The following GLTP variants were observed in gnomAD, a reference collection of about 807,000 sequenced individuals.
GLTP encodes the protein glycolipid transfer protein.
A neutral mutation model predicts 24.0 loss-of-function variants in GLTP; 22 were observed. The ratio of observed to expected loss-of-function variants is 0.92; its 90% CI spans 0.65 to 1.31. The LOEUF (loss-of-function observed/expected upper bound fraction) is 1.31. Ranked by LOEUF, GLTP falls within the 50% of genes most tolerant of loss-of-function variation. The probability of loss-of-function intolerance (pLI) is 0.00; values close to 1 mark genes in which losing one functional copy is unlikely to be tolerated. For synonymous variants in GLTP, 92 were observed against 115.9 expected (o/e 0.79, Z 1.33); for missense variants, 224 against 276.6 (o/e 0.81, Z 1.35).
chr12:109,856,269 C>T (rs1892794312), intron 3 of GLTP, among the ~76,000 whole-genome samples: 2 of 152,236 alleles, frequency 1.3e-5, no homozygotes, highest in South Asian at 4.1e-4. Context: ...TGCTCCTCTG[C>T]CTGAGACCTC....
intron 2 of GLTP, 38 bp downstream of exon 2, chr12:109,858,645 G>GC: frequency 1.3e-6 from 2 of 1,528,982 alleles, no homozygotes; most frequent in South Asian, 2.2e-5. Flanking sequence ...GATTCCTAAC[G>GC]CAAGTCTTGG....
rs567422234 is a variant in GLTP at position 109,874,013 on chromosome 12, T to C, written c.103+6259A>G. Among the ~76,000 whole-genome samples the C allele has an allele frequency of 2.0e-5, 3 of 152,350 alleles. 1 individual carries two copies. The South Asian group carries it at 6.2e-4, about 32-fold the overall frequency. ...TCTGTGGCACCCACACCACTTGTCA[T>C]GTGGACAAGTCACCATGGTGCCAGC... On this transcript the variant is annotated intron_variant, in intron 1 of 4. Transcript: ENST00000318348.
chr12:109,877,228 C>A (rs1868917653), intron 1 of GLTP, among the ~76,000 whole-genome samples: 1 of 152,170 alleles, frequency 6.6e-6, no homozygotes, highest in Non-Finnish European at 1.5e-5. Context: ...AGCAGAGATT[C>A]TTTCTTCAAA....
chr12:109,871,231 C>T (rs569493881), intron 1 of GLTP, among the ~76,000 whole-genome samples: 41 of 151,914 alleles, frequency 2.7e-4, no homozygotes, highest in Admixed American at 1.3e-3. Flanking sequence ...TACAGGATTG[C>T]GCCACCACAC....
At chr12:109,866,577 C>T (rs1868535216) in intron 1 of GLTP, 1 of 152,132 alleles carries the variant, frequency 6.6e-6, no homozygotes, top group Non-Finnish European at 1.5e-5. Flanking sequence ...CAAAATGTAA[C>T]ACAAATGTCA....
intron 1 of GLTP, among the ~76,000 whole-genome samples, chr12:109,864,075 G>A (rs1256154657): frequency 3.9e-5 from 6 of 152,226 alleles, no homozygotes; most frequent in Admixed American, 3.9e-4. Flanking sequence ...AACAGCAGCT[G>A]TTATTGTGTG....
chr12:109,878,373 T>C (rs1784108247), intron 1 of GLTP, among the ~76,000 whole-genome samples: 1 of 152,192 alleles, frequency 6.6e-6, no homozygotes, highest in Admixed American at 6.5e-5. Context: ...GACTGTTCTG[T>C]GCACTGTAGG....
chr12:109,879,265 G>A (rs1868983973), intron 1 of GLTP, among the ~76,000 whole-genome samples: 2 of 152,220 alleles, frequency 1.3e-5, no homozygotes, highest in African/African-American at 2.4e-5. Flanking sequence ...AGGCCACCAA[G>A]TGAACCAGCA....
chr12:109,856,197 G>A (rs966599591), intron 3 of GLTP, among the ~76,000 whole-genome samples: 3 of 152,108 alleles, frequency 2.0e-5, no homozygotes, highest in Non-Finnish European at 4.4e-5. Context: ...GACTGGCCCC[G>A]CGTGTACCAG....
chr12:109,876,573 AGAGGAAGGAAGG>A (rs1324151111), intron 1 of GLTP, among the ~76,000 whole-genome samples: 2 of 139,856 alleles, frequency 1.4e-5, no homozygotes, highest in Non-Finnish European at 3.1e-5. Context: ...GGAAAGAGAA[AGAGGAAGGAAGG>A]GAGGAAGAGA....
chr12:109,867,027 C>T (rs1410074321), intron 1 of GLTP, among the ~76,000 whole-genome samples: 1 of 151,524 alleles, frequency 6.6e-6, no homozygotes, highest in Non-Finnish European at 1.5e-5. Context: ...ATCCTCTAGC[C>T]TCGGCCTCCC....
At chr12:109,879,708 T>C (rs1416509648) in intron 1 of GLTP, among the ~76,000 whole-genome samples, 1 of 152,158 alleles carries the variant, frequency 6.6e-6, no homozygotes, top group African/African-American at 2.4e-5. Context: ...CTCACCAGGC[T>C]TCCTACCCTT....
Position 109,855,486 on chromosome 12 carries a change from A to G in GLTP, c.447+133T>C, listed in dbSNP as rs564104013. The G allele has an allele frequency of 5.6e-6, 4 of 718,190 alleles. No homozygotes were observed. The South Asian group carries it at 6.9e-5, about 12-fold the overall frequency. The allele number at this position is 718,190 out of a possible 1,614,324, so 44.5% of individuals were successfully genotyped here. A position where few individuals can be genotyped will look rare whatever the true frequency, so the allele number is the denominator to read the frequency against. ...CAGTACACTAGCCTCACCCAAATAGATGAGGGAGCCCTTCCTGAGCCCGAG... is the reference window on the plus strand; with the variant it reads ...CAGTACACTAGCCTCACCCAAATAGGTGAGGGAGCCCTTCCTGAGCCCGAG... On this transcript the variant is annotated intron_variant, in intron 4 of 4. Coordinates refer to ENST00000318348, the MANE Select transcript of GLTP (RefSeq NM_016433.4). This position sits in a 1 kb window ranked among gnomAD's most constrained non-coding sequence, Gnocchi z 4.1.
At chr12:109,872,316 A>C (rs1444290165) in intron 1 of GLTP, among the ~76,000 whole-genome samples, 1 of 152,132 alleles carries the variant, frequency 6.6e-6, no homozygotes, top group Non-Finnish European at 1.5e-5. Flanking sequence ...TTTGCCACAC[A>C]GCTGTTGGGA....
Position 109,855,394 on chromosome 12 carries a change from AG to A in GLTP, c.447+224del, listed in dbSNP as rs779154888. Reference sequence around the variant, plus strand: ...AGGCCCCTAAAGAGAAACACCGTGGAGTAGCTACAGTGACACCCGCTGCAGC... The same window carrying A: ...AGGCCCCTAAAGAGAAACACCGTGGATAGCTACAGTGACACCCGCTGCAGC... On this transcript the variant is annotated intron_variant, in intron 4 of 4. Transcript: ENST00000318348. This position sits in a 1 kb window ranked among gnomAD's most constrained non-coding sequence, Gnocchi z 4.1. Among the ~76,000 whole-genome samples the A allele has an allele frequency of 6.6e-6, 1 of 152,170 alleles. No individual in the cohort carries two copies. The highest frequency in any genetic ancestry group is 1.5e-5 in the Non-Finnish European group (1 of 68,032).
Position 109,868,935 on chromosome 12 carries a change from G to T in GLTP, c.104-10194C>A, listed in dbSNP as rs12306974. ...GAGATTACCTACATTTCTAAAACAG[G>T]TTCCTGCTCTGAGTCTACTACCTAA... On this transcript the variant is annotated intron_variant, in intron 1 of 4. Transcript: ENST00000318348. 7.9e-5 allele frequency among the ~76,000 whole-genome samples: 12 copies of T among 152,104 alleles called. No homozygotes were observed. The South Asian group carries it at 1.2e-3, about 16-fold the overall frequency.
chr12:109,880,437 GGCC>G lies in GLTP; in HGVS notation c.-66_-64del. On this transcript the variant is annotated 5_prime_UTR_variant, in exon 1 of 5. Transcript: ENST00000318348. This position sits in a 1 kb window ranked among gnomAD's most constrained non-coding sequence, Gnocchi z 5.1. ...CCGCGGGCGTCGACACCGCCCCCCCGGCCGCCGCCGTCAGCGCCGGGGCCGTCA... is the reference window on the plus strand; with the variant it reads ...CCGCGGGCGTCGACACCGCCCCCCCGGCCGCCGTCAGCGCCGGGGCCGTCA... 1.4e-6 allele frequency: 1 copy of G among 701,834 alleles called. No homozygotes were observed. The highest frequency in any genetic ancestry group is 2.0e-6 in the Non-Finnish European group (1 of 504,542). 43.5% of individuals were successfully genotyped at this position (701,834 alleles called of 1,614,324 possible).
Position 109,857,450 on chromosome 12 carries a change from C to T in GLTP, c.296+76G>A, listed in dbSNP as rs1363503345. On this transcript the variant is annotated intron_variant, in intron 3 of 4. Transcript: ENST00000318348. This position sits in a 1 kb window ranked among gnomAD's most constrained non-coding sequence, Gnocchi z 4.3. ...AAGTGACCTTCCCAGCCTGAGCTGA[C>T]ACTGCGGAACAGTGACAGGTTTGCT... 1 of 1,516,468 alleles carries T rather than the reference C, an allele frequency of 6.6e-7. No homozygotes were observed. Among genetic ancestry groups the T allele is most frequent in the African/African-American group, 1.4e-5 (1 of 72,666 alleles). The allele number at this position is 1,516,468 out of a possible 1,614,324, so 93.9% of individuals were successfully genotyped here.
chr12:109,866,788 A>G (rs1307748482), intron 1 of GLTP, among the ~76,000 whole-genome samples: 5 of 140,892 alleles, frequency 3.5e-5, no homozygotes, highest in African/African-American at 1.3e-4. Flanking sequence ...GAGACAGGGT[A>G]TCACTGTGTT....
Sources: allele counts gnomAD v4.1 joint callset (sites outside exome capture counted in the v4.1 genomes callset), GRCh38; gene constraint gnomAD v4.1.1; non-coding constraint Gnocchi (gnomAD v3.1); transcripts MANE v1.5; gene names NCBI Gene and HGNC (gene_info 2026-07-23, HGNC 2026-07-21).